RPS6KA2: variants seen among roughly 807,000 people sequenced by gnomAD.
RPS6KA2 encodes the protein ribosomal protein S6 kinase A2, also known as ribosomal protein S6 kinase alpha-2.
A neutral mutation model predicts 91.8 loss-of-function variants in RPS6KA2; 42 were observed. That is an observed-to-expected ratio of 0.46 (90% CI 0.36 to 0.59). The LOEUF is 0.59. RPS6KA2 is among the 20% of genes least tolerant of loss of function. The probability of loss-of-function intolerance (pLI) is 0.00; values close to 1 mark genes in which losing one functional copy is unlikely to be tolerated. For missense variants in RPS6KA2, 798 were observed against 978.5 expected, an observed-to-expected ratio of 0.82 and a Z score of 2.46; for synonymous variants, 414 against 393.6, an observed-to-expected ratio of 1.05 and a Z score of -0.61.
At chr6:166,745,915 C>T (rs550335880) in intron 2 of RPS6KA2, among the ~76,000 whole-genome samples, 12 of 152,262 alleles carry the variant, frequency 7.9e-5, no homozygotes, top group Non-Finnish European at 1.5e-4. Context: ...AGCTGTCAGG[C>T]CCAACAGAAT....
chr6:166,415,478 C>T (rs1026535643), intron 19 of RPS6KA2, among the ~76,000 whole-genome samples: 8 of 152,076 alleles, frequency 5.3e-5, no homozygotes, highest in Non-Finnish European at 7.4e-5. Context: ...AGGGGAAAGA[C>T]GGGGGATGTG....
At chr6:166,660,607 C>A (rs945004396) in intron 2 of RPS6KA2, among the ~76,000 whole-genome samples, 1 of 152,140 alleles carries the variant, frequency 6.6e-6, no homozygotes, top group Non-Finnish European at 1.5e-5. Context: ...TAATTACCTA[C>A]ACAATTAATA....
At chr6:166,527,347 GTGAACATGGAACCGCC>G (rs1372537417) in intron 3 of RPS6KA2, among the ~76,000 whole-genome samples, 1 of 152,192 alleles carries the variant, frequency 6.6e-6, no homozygotes, top group Non-Finnish European at 1.5e-5. Flanking sequence ...CCCTGGAGAG[GTGAACATGGAACCGCC>G]TGATGGACAG....
At chr6:166,549,178 A>G (rs557661615) in intron 1 of RPS6KA2, among the ~76,000 whole-genome samples, 3 of 152,378 alleles carry the variant, frequency 2.0e-5, no homozygotes, top group Admixed American at 6.5e-5. Context: ...AACATCAAAC[A>G]TCGGTGAGGA....
At position 166,627,146 on chromosome 6, in the gene RPS6KA2, CG is replaced by C. The variant is rs1284953126; in HGVS notation, c.-128del. The C allele has an allele frequency of 8.9e-7, 1 of 1,126,436 alleles. No individual in the cohort carries two copies. The highest frequency in any genetic ancestry group is 1.1e-6 in the Non-Finnish European group (1 of 921,014). The allele number at this position is 1,126,436 out of a possible 1,614,324, so 69.8% of individuals were successfully genotyped here. A position where few individuals can be genotyped will look rare whatever the true frequency, so the allele number is the denominator to read the frequency against. On this transcript the variant is annotated 5_prime_UTR_variant, in exon 1 of 21. Transcript: ENST00000265678. The stretch of plus-strand genomic sequence containing the variant: ...GAGCCCGGCACGGCGGCCATGGGCG[CG>C]GGGCGTGGGGCGCGAGCTGCGGTCA...
At chr6:166,568,102 G>C (rs1049119246) in intron 1 of RPS6KA2, among the ~76,000 whole-genome samples, 1 of 152,086 alleles carries the variant, frequency 6.6e-6, no homozygotes, top group Non-Finnish European at 1.5e-5. Flanking sequence ...AGAGAAAAGG[G>C]GACACTGGAT....
Position 166,494,999 on chromosome 6 carries a change from C to T in RPS6KA2, c.747+3509G>A, listed in dbSNP as rs1781736645. On this transcript the variant is annotated intron_variant, in intron 8 of 20. Coordinates refer to ENST00000265678, the MANE Select transcript of RPS6KA2 (RefSeq NM_021135.6). This position sits in a 1 kb window ranked among gnomAD's most constrained non-coding sequence, Gnocchi z 5.1. Reference sequence around the variant, plus strand: ...GCAAATGAGAATTCAGAAGTCACTTCTGATGCCACCCACGGACGTGTGGGA... The same window carrying T: ...GCAAATGAGAATTCAGAAGTCACTTTTGATGCCACCCACGGACGTGTGGGA... Among the ~76,000 whole-genome samples the T allele has an allele frequency of 6.6e-6, 1 of 152,222 alleles. No individual in the cohort carries two copies. The highest frequency in any genetic ancestry group is 6.5e-5 in the Admixed American group (1 of 15,286).
At chr6:166,748,399 C>G (rs552875503) in intron 2 of RPS6KA2, among the ~76,000 whole-genome samples, 7 of 152,274 alleles carry the variant, frequency 4.6e-5, no homozygotes, top group Admixed American at 1.3e-4. Flanking sequence ...CACCGAGTGC[C>G]TCAGCGAAAT....
intron 2 of RPS6KA2, among the ~76,000 whole-genome samples, chr6:166,736,161 A>G (rs528187356): frequency 1.5e-4 from 23 of 152,354 alleles, no homozygotes; most frequent in Non-Finnish European, 5.9e-5. Flanking sequence ...CAACATCAGA[A>G]AATTATTGGG....
At chr6:166,524,565 C>G (rs1194287657) in intron 3 of RPS6KA2, among the ~76,000 whole-genome samples, 1 of 152,182 alleles carries the variant, frequency 6.6e-6, no homozygotes, top group Non-Finnish European at 1.5e-5. Flanking sequence ...AACTTCCTCC[C>G]CACATCCCTA....
intron 2 of RPS6KA2, among the ~76,000 whole-genome samples, chr6:166,780,739 T>G (rs1343955159): frequency 6.6e-6 from 1 of 152,168 alleles, no homozygotes; most frequent in Non-Finnish European, 1.5e-5. Context: ...CTATTTATAG[T>G]TTTCATCTGC....
At chr6:166,824,895 G>T (rs576091351) in intron 2 of RPS6KA2, among the ~76,000 whole-genome samples, 87 of 152,208 alleles carry the variant, frequency 5.7e-4, no homozygotes, top group African/African-American at 1.9e-3. Flanking sequence ...GTATGTCTGT[G>T]TGTATGTGTG....
At chr6:166,446,253 T>G in intron 14 of RPS6KA2, among the ~76,000 whole-genome samples, 1 of 152,252 alleles carries the variant, frequency 6.6e-6, no homozygotes, top group South Asian at 2.1e-4. Flanking sequence ...AACGTGCTTC[T>G]GAAGTGGCTC....
intron 2 of RPS6KA2, among the ~76,000 whole-genome samples, chr6:166,724,274 T>G (rs751155163): frequency 2.0e-5 from 3 of 152,232 alleles, no homozygotes; most frequent in Non-Finnish European, 1.5e-5. Context: ...CTTCTTGTAT[T>G]TTCTGCAGTT....
chr6:166,719,423 AATGT>A (rs1275816339), intron 2 of RPS6KA2, among the ~76,000 whole-genome samples: 1 of 152,242 alleles, frequency 6.6e-6, no homozygotes, highest in Admixed American at 6.5e-5. Context: ...ACATAGCCAG[AATGT>A]ATGCAAGGTT....
chr6:166,642,475 T>G (rs1485688773), intron 2 of RPS6KA2, among the ~76,000 whole-genome samples: 1 of 152,236 alleles, frequency 6.6e-6, no homozygotes, highest in Non-Finnish European at 1.5e-5. Context: ...ATTGATGTCT[T>G]AAATATGCTA....
intron 2 of RPS6KA2, among the ~76,000 whole-genome samples, chr6:166,813,031 C>T (rs898866279): frequency 9.8e-5 from 15 of 152,288 alleles, no homozygotes; most frequent in Middle Eastern, 3.4e-3. Flanking sequence ...GAGACACTCA[C>T]GCACCTCCAT....
At chr6:166,728,467 C>A (rs1157051718) in intron 2 of RPS6KA2, among the ~76,000 whole-genome samples, 1 of 152,196 alleles carries the variant, frequency 6.6e-6, no homozygotes, top group Non-Finnish European at 1.5e-5. Flanking sequence ...CAAGCCTATT[C>A]TTCTCTCTTC....
chr6:166,731,832 G>GC (rs914857444), intron 2 of RPS6KA2, among the ~76,000 whole-genome samples: 27 of 152,138 alleles, frequency 1.8e-4, no homozygotes, highest in African/African-American at 6.0e-4. Flanking sequence ...CCTGTGTGGG[G>GC]CGGTCCCATG....
Sources: gnomAD v4.1 joint callset for allele counts (sites outside exome capture counted in the v4.1 genomes callset) on GRCh38, gnomAD v4.1.1 for gene constraint, Gnocchi (gnomAD v3.1) non-coding constraint, MANE v1.5 for transcripts, NCBI Gene and HGNC (gene_info 2026-07-23, HGNC 2026-07-21) for gene names.